The following AAK1 variants were observed in gnomAD, a reference collection of about 807,000 sequenced individuals.
The protein encoded by AAK1 is AP2-associated protein kinase 1.
A neutral mutation model predicts 116.0 loss-of-function variants in AAK1; 37 were observed. The observed-to-expected ratio is 0.32, with a 90% CI of 0.25 to 0.42. The LOEUF (loss-of-function observed/expected upper bound fraction) is 0.42, where lower values mean the gene tolerates loss of function less well. AAK1 is among the 10% of genes least tolerant of loss of function. AAK1 has a pLI of 1.00. For missense variants in AAK1, 919 were observed against 1,170.6 expected, an observed-to-expected ratio of 0.79 and a Z score of 3.14; for synonymous variants, 458 against 439.9, an observed-to-expected ratio of 1.04 and a Z score of -0.51.
intron 2 of AAK1, among the ~76,000 whole-genome samples, chr2:69,625,780 C>T (rs1331608419): frequency 6.6e-6 from 1 of 152,144 alleles, no homozygotes; most frequent in African/African-American, 2.4e-5. Context: ...CTTTCATGGG[C>T]CAGGAACATC....
chr2:69,608,059 C>T (rs1673887508), intron 2 of AAK1, among the ~76,000 whole-genome samples: 1 of 152,220 alleles, frequency 6.6e-6, no homozygotes, highest in Non-Finnish European at 1.5e-5. Context: ...GGAATATCTG[C>T]TAGATTTAGT....
chr2:69,587,346 CACAT>C (rs1401166644), intron 2 of AAK1, among the ~76,000 whole-genome samples: 8 of 144,612 alleles, frequency 5.5e-5, no homozygotes, highest in Non-Finnish European at 8.9e-5. Flanking sequence ...CGTGCACACA[CACAT>C]ATATACACAT....
chr2:69,545,962 G>A (rs1398246481), intron 3 of AAK1, among the ~76,000 whole-genome samples: 1 of 152,102 alleles, frequency 6.6e-6, no homozygotes, highest in East Asian at 1.9e-4. Flanking sequence ...GGAGAAAACT[G>A]AGCACCAGAA....
At chr2:69,551,464 G>A (rs750029704) in intron 3 of AAK1, among the ~76,000 whole-genome samples, 1 of 152,180 alleles carries the variant, frequency 6.6e-6, no homozygotes, top group Non-Finnish European at 1.5e-5. Context: ...GCTTCCTACT[G>A]TACAGGATCT....
intron 20 of AAK1, 40 bp from the exon 21 acceptor site, chr2:69,477,030 G>A (rs1255888253): frequency 1.4e-6 from 2 of 1,397,210 alleles, no homozygotes; most frequent in Non-Finnish European, 1.0e-6. Context: ...AAACAACAGA[G>A]GCAGAGATTA....
At position 69,525,015 on chromosome 2, in the gene AAK1, C is replaced by A; in HGVS notation, c.1055+18G>T. On this transcript the variant is annotated intron_variant, in intron 10 of 21. Coordinates refer to ENST00000409085, the MANE Select transcript of AAK1 (RefSeq NM_014911.5). ...TGGCAATCCAAGGAGGACATGTGTT[C>A]ATGAAGGCATTTCTTACCTGGCCTT... The A allele has an allele frequency of 6.2e-7, 1 of 1,611,364 alleles. No homozygotes were observed. Among genetic ancestry groups the A allele is most frequent in the South Asian group, 1.1e-5 (1 of 90,976 alleles).
rs1331969187 is a variant in AAK1 at position 69,471,966 on chromosome 2, T to G, written c.*3903A>C. On this transcript the variant is annotated 3_prime_UTR_variant, in exon 22 of 22. Coordinates refer to ENST00000409085, the MANE Select transcript of AAK1 (RefSeq NM_014911.5). ...CTTGGGTTTGTTTTTCCACAAGTAT[T>G]AGCAATCCAAGTTGTGTAATTCTAA... 8.1e-6 allele frequency: 8 copies of G among 985,290 alleles called. No individual in the cohort carries two copies. Among genetic ancestry groups the G allele is most frequent in the Non-Finnish European group, 8.4e-6 (7 of 829,880 alleles). 61.0% of individuals were successfully genotyped at this position (985,290 alleles called of 1,614,324 possible). A position where few individuals can be genotyped will look rare whatever the true frequency, so the allele number is the denominator to read the frequency against.
Position 69,459,127 on chromosome 2 carries a change from A to G in AAK1, c.*16742T>C, listed in dbSNP as rs1674281018. The G allele has an allele frequency of 6.6e-6, 1 of 152,198 alleles. No individual in the cohort carries two copies. The highest frequency in any genetic ancestry group is 2.1e-4 in the South Asian group (1 of 4,824). The allele number at this position is 152,198 out of a possible 1,614,324, so 9.4% of individuals were successfully genotyped here. On this transcript the variant is annotated 3_prime_UTR_variant, in exon 22 of 22. Coordinates refer to ENST00000409085, the MANE Select transcript of AAK1 (RefSeq NM_014911.5). Reference sequence around the variant, plus strand: ...CAGCTATTCTAGAGTCCCTTCACACATAAACTTGACCCTGCATTCCGGGAA... The same window carrying G: ...CAGCTATTCTAGAGTCCCTTCACACGTAAACTTGACCCTGCATTCCGGGAA...
chr2:69,492,170 T>C (rs749236550), intron 17 of AAK1, among the ~76,000 whole-genome samples: 1 of 152,132 alleles, frequency 6.6e-6, no homozygotes, highest in Non-Finnish European at 1.5e-5. Flanking sequence ...AATAAAAAAG[T>C]TAAAAGTCAT....
chr2:69,531,074 C>A (rs931475884), intron 6 of AAK1, among the ~76,000 whole-genome samples: 1 of 152,046 alleles, frequency 6.6e-6, no homozygotes, highest in Non-Finnish European at 1.5e-5. Flanking sequence ...ACATGTGGCT[C>A]AACACAGAGA....
Position 69,472,317 on chromosome 2 carries a change from A to G in AAK1, c.*3552T>C. On this transcript the variant is annotated 3_prime_UTR_variant, in exon 22 of 22. Coordinates refer to ENST00000409085, the MANE Select transcript of AAK1 (RefSeq NM_014911.5). ...AGAGTAGTAGAAAAAGTAGACAAAG[A>G]AAGAATATACTTCCAGGTGCTTTCT... The G allele has an allele frequency of 3.1e-6, 1 of 318,014 alleles. No homozygotes were observed. Among genetic ancestry groups the G allele is most frequent in the Non-Finnish European group, 4.6e-6 (1 of 219,752 alleles). The allele number at this position is 318,014 out of a possible 1,614,324, so 19.7% of individuals were successfully genotyped here.
chr2:69,477,272 AGG>A, intron 20 of AAK1, among the ~76,000 whole-genome samples: 1 of 152,304 alleles, frequency 6.6e-6, no homozygotes, highest in East Asian at 1.9e-4. Flanking sequence ...AATTATTGTG[AGG>A]TATCTCTTCA....
chr2:69,577,773 A>G (rs1019158475), intron 2 of AAK1, among the ~76,000 whole-genome samples: 20 of 152,096 alleles, frequency 1.3e-4, no homozygotes, highest in Admixed American at 3.3e-4. Flanking sequence ...ACTCACCACA[A>G]CTGTCTCCAC....
intron 2 of AAK1, among the ~76,000 whole-genome samples, chr2:69,558,579 T>C (rs1411240508): frequency 6.6e-6 from 1 of 152,200 alleles, no homozygotes; most frequent in Non-Finnish European, 1.5e-5. Flanking sequence ...GCCTGCCTTG[T>C]ACATTGTCAT....
intron 2 of AAK1, among the ~76,000 whole-genome samples, chr2:69,563,694 CTT>C (rs1298465357): frequency 6.6e-6 from 1 of 152,190 alleles, no homozygotes; most frequent in Non-Finnish European, 1.5e-5. Flanking sequence ...CCTACAAACT[CTT>C]TGTTTCTCTT....
At chr2:69,589,050 G>C (rs766127788) in intron 2 of AAK1, among the ~76,000 whole-genome samples, 1 of 152,200 alleles carries the variant, frequency 6.6e-6, no homozygotes, top group Non-Finnish European at 1.5e-5. Context: ...TTCAGAGCCT[G>C]ATCACAAAGG....
At chr2:69,482,870 C>T (rs1331116157) in intron 17 of AAK1, 58 bp from the exon 18 acceptor site, 27 of 1,062,296 alleles carry the variant, frequency 2.5e-5, no homozygotes, top group South Asian at 6.8e-5. Context: ...TTAAAGCCAG[C>T]GGATCATTCA....
intron 2 of AAK1, among the ~76,000 whole-genome samples, chr2:69,565,161 G>A (rs1337299387): frequency 6.6e-6 from 1 of 152,206 alleles, no homozygotes; most frequent in East Asian, 1.9e-4. Flanking sequence ...GGGGCCGGTG[G>A]CCCTGAGAAA....
At position 69,478,827 on chromosome 2, in the gene AAK1, C is replaced by A. The variant is rs1231203114; in HGVS notation, c.2680+124G>T. 5.5e-6 allele frequency: 4 copies of A among 727,130 alleles called. No individual in the cohort carries two copies. In the Admixed American group the frequency reaches 1.0e-4, roughly 18 times the overall value. 45.0% of individuals were successfully genotyped at this position (727,130 alleles called of 1,614,324 possible). A position where few individuals can be genotyped will look rare whatever the true frequency, so the allele number is the denominator to read the frequency against. ...AGTATCTAGGAGATACTCAAGTTTTCCATACAAGGAGGTAGTTTTAAAACT... is the reference window on the plus strand; with the variant it reads ...AGTATCTAGGAGATACTCAAGTTTTACATACAAGGAGGTAGTTTTAAAACT... On this transcript the variant is annotated intron_variant, in intron 20 of 21. Transcript: ENST00000409085.
Sources: gnomAD v4.1 joint callset for allele counts (sites outside exome capture counted in the v4.1 genomes callset) on GRCh38, gnomAD v4.1.1 for gene constraint, MANE v1.5 for transcripts, NCBI Gene and HGNC (gene_info 2026-07-23, HGNC 2026-07-21) for gene names.